VPS13B: variants seen among roughly 807,000 people sequenced by gnomAD.
The protein encoded by VPS13B is vacuolar protein sorting 13 homolog B.
A neutral mutation model predicts 426.4 loss-of-function variants in VPS13B; 285 were observed. The ratio of observed to expected loss-of-function variants is 0.67; its 90% CI spans 0.61 to 0.74. The LOEUF (loss-of-function observed/expected upper bound fraction) is 0.74, where lower values mean the gene tolerates loss of function less well. VPS13B is among the 30% of genes least tolerant of loss of function. VPS13B has a pLI of 0.00. For missense variants in VPS13B, 4,537 were observed against 4,782.6 expected (o/e 0.95, Z 1.51); for synonymous variants, 1,676 against 1,676.4 (o/e 1.00, Z 0.01).
At chr8:99,465,559 C>T (rs1400574502) in intron 23 of VPS13B, among the ~76,000 whole-genome samples, 2 of 151,932 alleles carry the variant, frequency 1.3e-5, no homozygotes, top group Admixed American at 6.6e-5. Context: ...CCCCTTCCAT[C>T]CAGCATAACC....
chr8:99,117,881 T>TA (rs1205657767), intron 7 of VPS13B, among the ~76,000 whole-genome samples: 1 of 152,138 alleles, frequency 6.6e-6, no homozygotes, highest in African/African-American at 2.4e-5. Context: ...TTGTGACTAT[T>TA]AAAAAAATCC....
At chr8:99,849,807 A>C (rs916857894) in intron 55 of VPS13B, among the ~76,000 whole-genome samples, 27 of 152,194 alleles carry the variant, frequency 1.8e-4, no homozygotes, top group Non-Finnish European at 1.5e-5. Flanking sequence ...CAAAAAGTAG[A>C]TCTCAAAGAA....
chr8:99,025,860 G>A (rs1266213165), intron 2 of VPS13B, among the ~76,000 whole-genome samples: 1 of 152,006 alleles, frequency 6.6e-6, no homozygotes, highest in African/African-American at 2.4e-5. Context: ...GTTCATAATG[G>A]TCACTAACGA....
intron 17 of VPS13B, among the ~76,000 whole-genome samples, chr8:99,232,078 G>A (rs1291061573): frequency 2.0e-5 from 3 of 152,184 alleles, no homozygotes; most frequent in African/African-American, 7.2e-5. Context: ...CCTTTTGTGT[G>A]TTGGGATACT....
chr8:99,374,241 G>A (rs561672019), intron 19 of VPS13B, among the ~76,000 whole-genome samples: 1 of 150,746 alleles, frequency 6.6e-6, no homozygotes, highest in East Asian at 2.0e-4. Flanking sequence ...TCTAGATCTG[G>A]TTTCTTTTTA....
chr8:99,064,428 T>C (rs1233317043), intron 3 of VPS13B, among the ~76,000 whole-genome samples: 2 of 152,090 alleles, frequency 1.3e-5, no homozygotes, highest in Non-Finnish European at 2.9e-5. Context: ...CTGATGGAGC[T>C]CAAAACCATG....
chr8:99,233,182 T>C, intron 17 of VPS13B: 1 of 1,396,362 alleles, frequency 7.2e-7, no homozygotes, highest in Non-Finnish European at 1.0e-6. Context: ...GATGATCACT[T>C]CCTCATTTTC....
At chr8:99,643,937 T>C (rs763851846) in intron 34 of VPS13B, among the ~76,000 whole-genome samples, 1 of 152,226 alleles carries the variant, frequency 6.6e-6, no homozygotes, top group Non-Finnish European at 1.5e-5. Flanking sequence ...ATATACCTGA[T>C]ACCTGCTTGC....
intron 2 of VPS13B, 79 bp downstream of exon 2, chr8:99,014,014 C>T (rs1460460868): frequency 6.4e-7 from 1 of 1,553,290 alleles, no homozygotes; most frequent in Admixed American, 1.7e-5. Flanking sequence ...TAAGCTTTGA[C>T]TTTATGCTGT....
intron 17 of VPS13B, among the ~76,000 whole-genome samples, chr8:99,213,069 G>C (rs1362044785): frequency 6.6e-6 from 1 of 152,110 alleles, no homozygotes; most frequent in Admixed American, 6.5e-5. Context: ...AGCTTAGTTT[G>C]ACAGATATTT....
intron 2 of VPS13B, among the ~76,000 whole-genome samples, chr8:99,032,532 CTT>C (rs372714195): frequency 1.1e-4 from 15 of 135,580 alleles, no homozygotes; most frequent in Non-Finnish European, 1.3e-4. Context: ...TCTTTCTTTT[CTT>C]TTTTTTTTTT....
intron 8 of VPS13B, among the ~76,000 whole-genome samples, chr8:99,122,693 A>G (rs1000187087): frequency 2.6e-5 from 4 of 152,240 alleles, no homozygotes; most frequent in African/African-American, 9.6e-5. Flanking sequence ...GCTGTGTCTA[A>G]GCATTGTTTT....
rs1440289524 is a variant in VPS13B, at chr8:99,793,263, A to G, written c.7941+8787A>G. Among the ~76,000 whole-genome samples the G allele has an allele frequency of 4.9e-5, 7 of 142,998 alleles. No individual in the cohort carries two copies. In the East Asian group the frequency reaches 8.3e-4, roughly 17 times the overall value. 93.8% of individuals were successfully genotyped at this position (142,998 alleles called of 152,430 possible). A position where few individuals can be genotyped will look rare whatever the true frequency, so the allele number is the denominator to read the frequency against. ...AGGGTCTTGCCCTCTCCATATATAT[A>G]TATATATATATATATATATATAAAA... On this transcript the variant is annotated intron_variant, in intron 43 of 61. Coordinates refer to ENST00000357162, the MANE Select transcript of VPS13B (RefSeq NM_152564.5).
intron 19 of VPS13B, among the ~76,000 whole-genome samples, chr8:99,321,833 A>G (rs1171501334): frequency 1.3e-5 from 2 of 152,232 alleles, no homozygotes; most frequent in Non-Finnish European, 2.9e-5. Flanking sequence ...ATTTAAACGT[A>G]ATACATATTT....
At chr8:99,361,069 T>C (rs2133236875) in intron 19 of VPS13B, among the ~76,000 whole-genome samples, 1 of 152,306 alleles carries the variant, frequency 6.6e-6, no homozygotes, top group African/African-American at 2.4e-5. Flanking sequence ...AACTTTGAAA[T>C]GTTACCACTT....
chr8:99,843,280 A>G (rs1016213552), intron 54 of VPS13B, among the ~76,000 whole-genome samples: 6 of 152,106 alleles, frequency 3.9e-5, no homozygotes, highest in African/African-American at 1.4e-4. Flanking sequence ...ACCTCACCCT[A>G]CTAGTGAAGA....
At chr8:99,823,190 T>G (rs752812189) in intron 50 of VPS13B, among the ~76,000 whole-genome samples, 1 of 152,202 alleles carries the variant, frequency 6.6e-6, no homozygotes, top group African/African-American at 2.4e-5. Flanking sequence ...TCTTCATCTT[T>G]GTGACCTTGG....
chr8:99,237,111 C>T (rs74485844), intron 17 of VPS13B, among the ~76,000 whole-genome samples: 1 of 152,154 alleles, frequency 6.6e-6, no homozygotes, highest in Admixed American at 6.5e-5. Flanking sequence ...TCCTCCTTGC[C>T]TTCCCCCATG....
chr8:99,276,686 G>A (rs921369858), intron 19 of VPS13B, among the ~76,000 whole-genome samples: 3 of 152,022 alleles, frequency 2.0e-5, no homozygotes, highest in African/African-American at 7.2e-5. Context: ...AGAAGGAATT[G>A]GTGGATAAAT....
Sources: allele counts gnomAD v4.1 joint callset (sites outside exome capture counted in the v4.1 genomes callset), GRCh38; gene constraint gnomAD v4.1.1; transcripts MANE v1.5; gene names NCBI Gene and HGNC (gene_info 2026-07-23, HGNC 2026-07-21).